The following CBFA2T3 variants were observed in gnomAD, a reference collection of about 807,000 sequenced individuals.
CBFA2T3 encodes CBFA2/RUNX1 partner transcriptional co-repressor 3, also known as transcriptional corepressor CBFA2T3.
Under a neutral mutation model 58.6 loss-of-function variants are expected in CBFA2T3, and 31 were observed. That is an observed-to-expected ratio of 0.53 (90% confidence interval 0.40 to 0.71). CBFA2T3 has a LOEUF of 0.71. Among genes scored for constraint, CBFA2T3 ranks in the 30% least tolerant of loss-of-function variants. CBFA2T3 has a pLI of 0.00. For synonymous variants in CBFA2T3, 531 were observed against 421.9 expected (o/e 1.26, Z -3.17); for missense variants, 1,076 against 963.1 (o/e 1.12, Z -1.55).
Position 88,958,647 on chromosome 16 carries a change from A to G in CBFA2T3, c.151+18010T>C, listed in dbSNP as rs961503567. 2.0e-5 allele frequency among the ~76,000 whole-genome samples: 3 copies of G among 152,116 alleles called. No homozygotes were observed. The highest frequency in any genetic ancestry group is 7.2e-5 in the African/African-American group (3 of 41,426). On this transcript the variant is annotated intron_variant, in intron 1 of 11. Coordinates refer to ENST00000268679, the MANE Select transcript of CBFA2T3 (RefSeq NM_005187.6). This position sits in a 1 kb window ranked among gnomAD's most constrained non-coding sequence, Gnocchi z 4.0. ...AAGCACAGTCGCCGCCCAGCAGCCC[A>G]GCACTACCTTTGGAGGGAGACAAAC...
chr16:88,911,328 G>C (rs1970523886), intron 1 of CBFA2T3, among the ~76,000 whole-genome samples: 1 of 152,272 alleles, frequency 6.6e-6, no homozygotes, highest in African/African-American at 2.4e-5. Flanking sequence ...CCGCGCCGCT[G>C]TGTGAACTGA....
chr16:88,933,750 C>T (rs55761964), intron 1 of CBFA2T3, among the ~76,000 whole-genome samples: 1 of 142,432 alleles, frequency 7.0e-6, no homozygotes, highest in Non-Finnish European at 1.6e-5. Flanking sequence ...TGCCTCTATA[C>T]GCCTCACACG....
Position 88,876,839 on chromosome 16 carries a change from T to C in CBFA2T3, c.*137A>G, listed in dbSNP as rs1334216499. 9.6e-6 allele frequency: 6 copies of C among 626,910 alleles called. No homozygotes were observed. Among genetic ancestry groups the C allele is most frequent in the Admixed American group, 7.8e-5 (2 of 25,598 alleles). 38.8% of individuals were successfully genotyped at this position (626,910 alleles called of 1,614,324 possible). A position where few individuals can be genotyped will look rare whatever the true frequency, so the allele number is the denominator to read the frequency against. ...GAGGGGCAGTAGCAGCAGTGACTAA[T>C]TGGTCGGCTCCCCCAGGTCAGGCGG... On this transcript the variant is annotated 3_prime_UTR_variant, in exon 12 of 12. Coordinates refer to ENST00000268679, the MANE Select transcript of CBFA2T3 (RefSeq NM_005187.6).
In CBFA2T3 at chr16:88,885,845, G is replaced by A. The variant is rs1597666807; in HGVS notation, c.893+116C>T. ...CTCGCCACGCTCCCTCAGCCCGAGA[G>A]AGCCGGCCGGGCTGGCTGCAGCCCC... On this transcript the variant is annotated intron_variant, in intron 6 of 11. Transcript: ENST00000268679. The surrounding 1 kb of genome is among the most constrained non-coding windows in gnomAD (Gnocchi z 5.3). 1.1e-6 allele frequency: 1 copy of A among 928,868 alleles called. No individual in the cohort carries two copies. Among genetic ancestry groups the A allele is most frequent in the African/African-American group, 1.7e-5 (1 of 60,350 alleles). 57.5% of individuals were successfully genotyped at this position (928,868 alleles called of 1,614,324 possible).
Position 88,885,879 on chromosome 16 carries a change from T to G in CBFA2T3, c.893+82A>C, listed in dbSNP as rs1597666913. The G allele has an allele frequency of 3.1e-6, 4 of 1,271,364 alleles. No homozygotes were observed. In the Admixed American group the frequency reaches 8.7e-5, roughly 28 times the overall value. 78.8% of individuals were successfully genotyped at this position (1,271,364 alleles called of 1,614,324 possible). A position where few individuals can be genotyped will look rare whatever the true frequency, so the allele number is the denominator to read the frequency against. ...GGGCTGGCTGCAGCCCCAGAGGAGG[T>G]TCCCTCTCTTACCCAGAGGGGAGCA... On this transcript the variant is annotated intron_variant, in intron 6 of 11. Transcript: ENST00000268679. This position sits in a 1 kb window ranked among gnomAD's most constrained non-coding sequence, Gnocchi z 5.3.
chr16:88,914,660 TC>T (rs1310852366), intron 1 of CBFA2T3, among the ~76,000 whole-genome samples: 2 of 152,122 alleles, frequency 1.3e-5, no homozygotes, highest in African/African-American at 2.4e-5. Flanking sequence ...AAAGGTGCCA[TC>T]AAAGGTGCCC....
intron 1 of CBFA2T3, among the ~76,000 whole-genome samples, chr16:88,952,504 C>T (rs182442907): frequency 6.1e-4 from 93 of 152,256 alleles, no homozygotes; most frequent in African/African-American, 1.9e-3. Context: ...GGCACCGAGA[C>T]GGCTTTCAGC....
At chr16:88,895,032 G>A (rs893556425) in intron 3 of CBFA2T3, among the ~76,000 whole-genome samples, 8 of 152,192 alleles carry the variant, frequency 5.3e-5, no homozygotes, top group Non-Finnish European at 1.2e-4. Flanking sequence ...GACCCCTGCT[G>A]AGTGTTGTGG....
chr16:88,975,632 G>A (rs750927871), intron 1 of CBFA2T3, among the ~76,000 whole-genome samples: 12 of 152,386 alleles, frequency 7.9e-5, no homozygotes, highest in South Asian at 4.1e-4. Context: ...CGGGAGAAAC[G>A]AACAGTAGCA....
intron 1 of CBFA2T3, among the ~76,000 whole-genome samples, chr16:88,904,584 G>A (rs1370579950): frequency 4.6e-5 from 7 of 152,234 alleles, no homozygotes; most frequent in African/African-American, 1.4e-4. Context: ...GAGGCCGAAC[G>A]GAGGCTGCAG....
At chr16:88,963,653 C>T (rs551754609) in intron 1 of CBFA2T3, among the ~76,000 whole-genome samples, 25 of 152,320 alleles carry the variant, frequency 1.6e-4, no homozygotes, top group Non-Finnish European at 2.6e-4. Context: ...GGCTCTTTCA[C>T]TTAGTGTGAT....
In CBFA2T3 at chr16:88,903,962, G is replaced by A. The variant is rs562528747; in HGVS notation, c.152-2306C>T. Among the ~76,000 whole-genome samples, 5 of 152,334 alleles carry A rather than the reference G, an allele frequency of 3.3e-5. No individual in the cohort carries two copies. In the South Asian group the frequency reaches 1.0e-3, roughly 32 times the overall value. ...CCCCACTGGGGAGCTGGTGCCGGGC[G>A]CTGGACGGGCGCTCGTAGGATGGAC... is the stretch of plus-strand genomic sequence containing the variant. On this transcript the variant is annotated intron_variant, in intron 1 of 11. Coordinates refer to ENST00000268679, the MANE Select transcript of CBFA2T3 (RefSeq NM_005187.6).
intron 4 of CBFA2T3, 45 bp downstream of exon 4, chr16:88,892,199 G>A (rs772259761): frequency 3.8e-6 from 6 of 1,578,804 alleles, no homozygotes; most frequent in African/African-American, 1.3e-5. Context: ...TTAAACGGAG[G>A]GAATATGCAT....
chr16:88,966,245 A>G (rs922834697), intron 1 of CBFA2T3, among the ~76,000 whole-genome samples: 2 of 152,204 alleles, frequency 1.3e-5, no homozygotes. Flanking sequence ...TCTTGGCCAC[A>G]TTAGGCCGTC....
At chr16:88,972,768 G>A (rs1304882570) in intron 1 of CBFA2T3, among the ~76,000 whole-genome samples, 1 of 152,180 alleles carries the variant, frequency 6.6e-6, no homozygotes, top group African/African-American at 2.4e-5. Context: ...CTGGCTCCCC[G>A]ACATGGAGCC....
At position 88,941,592 on chromosome 16, in the gene CBFA2T3, G is replaced by A. The variant is rs1046895042; in HGVS notation, c.151+35065C>T. On this transcript the variant is annotated intron_variant, in intron 1 of 11. Coordinates refer to ENST00000268679, the MANE Select transcript of CBFA2T3 (RefSeq NM_005187.6). ...GAGCGCCGGGAGCAGGGAGAGGGGA[G>A]AGGGGCGCGGGGAGGGGGCGACGGG... is the stretch of plus-strand genomic sequence containing the variant. Among the ~76,000 whole-genome samples, 5 of 148,154 alleles carry A rather than the reference G, an allele frequency of 3.4e-5. No homozygotes were observed. The Middle Eastern group carries it at 0.01, about 307-fold the overall frequency.
intron 1 of CBFA2T3, among the ~76,000 whole-genome samples, chr16:88,931,075 T>C (rs1009642844): frequency 6.6e-6 from 1 of 152,074 alleles, no homozygotes; most frequent in African/African-American, 2.4e-5. Context: ...CATGACCTAT[T>C]AACCTGCCCC....
chr16:88,912,331 C>T (rs1042225012), intron 1 of CBFA2T3, among the ~76,000 whole-genome samples: 3 of 152,226 alleles, frequency 2.0e-5, no homozygotes, highest in Admixed American at 6.5e-5. Flanking sequence ...GTGTGCTGTG[C>T]GTCCTGGGGC....
At position 88,898,085 on chromosome 16, in the gene CBFA2T3, G is replaced by C. The variant is rs759833241; in HGVS notation, c.372C>G (p.Val124=). The C allele has an allele frequency of 1.6e-5, 25 of 1,609,010 alleles. No individual in the cohort carries two copies. Among genetic ancestry groups the C allele is most frequent in the Non-Finnish European group, 2.1e-5 (25 of 1,177,126 alleles). Residue 124 remains valine (V), a synonymous_variant, in exon 3 of 12, where the codon GTC becomes GTG. Transcript: ENST00000268679. ...TTTTGTTATTTTACTTACAGAGACAGACCATAGACCATTTTAAGCAGCCAT... is the reference window on the plus strand; with the variant it reads ...TTTTGTTATTTTACTTACAGAGACACACCATAGACCATTTTAAGCAGCCAT... The part of the protein sequence containing the change: ...RFHGCLKWSM[V]CLLMNGSSHS...
Sources: allele counts gnomAD v4.1 joint callset (sites outside exome capture counted in the v4.1 genomes callset), GRCh38; gene constraint gnomAD v4.1.1; non-coding constraint Gnocchi (gnomAD v3.1); transcripts MANE v1.5; gene names NCBI Gene and HGNC (gene_info 2026-07-23, HGNC 2026-07-21).